Variants in INSC observed in about 807,000 individuals in gnomAD.
The protein encoded by INSC is INSC spindle orientation adaptor protein.
Under a neutral mutation model 58.6 loss-of-function variants are expected in INSC, and 67 were observed. The ratio of observed to expected loss-of-function variants is 1.14; its 90% CI spans 0.94 to 1.40. The LOEUF (loss-of-function observed/expected upper bound fraction) is 1.40, where lower values mean the gene tolerates loss of function less well. Ranked by LOEUF, INSC falls within the 40% of genes most tolerant of loss-of-function variation. The probability of loss-of-function intolerance (pLI) is 0.00; values close to 1 mark genes in which losing one functional copy is unlikely to be tolerated. For missense variants in INSC, 714 were observed against 692.0 expected (o/e 1.03, Z -0.36); for synonymous variants, 262 against 276.1 (o/e 0.95, Z 0.51).
intron 7 of INSC, among the ~76,000 whole-genome samples, chr11:15,213,412 T>C (rs1851101244): frequency 6.6e-6 from 1 of 152,194 alleles, no homozygotes; most frequent in Non-Finnish European, 1.5e-5. Context: ...TGAGGACCAC[T>C]GATCTAGAAG....
chr11:15,183,975 C>T (rs1018286074), intron 5 of INSC, among the ~76,000 whole-genome samples: 1 of 152,112 alleles, frequency 6.6e-6, no homozygotes, highest in African/African-American at 2.4e-5. Context: ...TAGATTTAAG[C>T]AGTATATACC....
At chr11:15,192,851 C>A (rs191449579) in intron 6 of INSC, among the ~76,000 whole-genome samples, 10 of 152,252 alleles carry the variant, frequency 6.6e-5, no homozygotes, top group Admixed American at 2.6e-4. Flanking sequence ...GTATGGTACT[C>A]TCTAATGACA....
At chr11:15,167,000 C>T (rs1043601279) in intron 2 of INSC, among the ~76,000 whole-genome samples, 5 of 151,872 alleles carry the variant, frequency 3.3e-5, no homozygotes, top group African/African-American at 9.7e-5. Context: ...GCACAGCTCT[C>T]GAGGTACTGT....
intron 2 of INSC, among the ~76,000 whole-genome samples, chr11:15,165,631 G>C (rs1397313637): frequency 6.6e-6 from 1 of 152,156 alleles, no homozygotes; most frequent in African/African-American, 2.4e-5. Flanking sequence ...TGGCATGCCT[G>C]GTGGTGGTAC....
At chr11:15,212,343 G>A (rs142351709) in intron 7 of INSC, among the ~76,000 whole-genome samples, 6 of 152,010 alleles carry the variant, frequency 3.9e-5, no homozygotes, top group East Asian at 1.9e-4. Context: ...CAGGTGATCC[G>A]CCCACCTCAG....
rs1405284611 is a variant in INSC, at chr11:15,243,901, TTC to T, written c.1471-2010_1471-2009del. ...CTTTGCCACTATTTCTTTTTTTTTTTTCCTCCATCTCTTTTTTATACTTGGTC... is the reference window on the plus strand; with the variant it reads ...CTTTGCCACTATTTCTTTTTTTTTTTCTCCATCTCTTTTTTATACTTGGTC... On this transcript the variant is annotated intron_variant, in intron 12 of 12. Coordinates refer to ENST00000379556, the MANE Select transcript of INSC (RefSeq NM_001042536.3). 9.5e-5 allele frequency among the ~76,000 whole-genome samples: 14 copies of T among 147,494 alleles called. 1 individual carries two copies. Among genetic ancestry groups the T allele is most frequent in the Admixed American group, 2.7e-4 (4 of 14,866 alleles).
intron 1 of INSC, among the ~76,000 whole-genome samples, chr11:15,116,875 C>CTTTCTTTCTTTCTTTCTTTCTTTCT (rs1847725641): frequency 2.3e-5 from 1 of 42,618 alleles, no homozygotes; most frequent in African/African-American, 1.2e-4. Context: ...CTCTCTCTCT[C>CTTTCTTTCTTTCTTTCTTTCTTTCT]TCCCCCTCCC....
At chr11:15,154,815 A>G (rs936372235) in intron 2 of INSC, among the ~76,000 whole-genome samples, 1 of 150,288 alleles carries the variant, frequency 6.7e-6, no homozygotes, top group African/African-American at 2.4e-5. Flanking sequence ...TTTTTTTTGG[A>G]CAAAAATAAC....
intron 9 of INSC, among the ~76,000 whole-genome samples, chr11:15,234,000 C>T (rs1175429439): frequency 1.3e-5 from 2 of 152,234 alleles, no homozygotes; most frequent in Non-Finnish European, 2.9e-5. Context: ...ACTGAGCCCA[C>T]AAACGCAATC....
At chr11:15,245,623 G>T (rs1285776020) in intron 12 of INSC, among the ~76,000 whole-genome samples, 1 of 152,098 alleles carries the variant, frequency 6.6e-6, no homozygotes, top group Non-Finnish European at 1.5e-5. Context: ...TTACTCTAGG[G>T]ATCTGGAAAT....
chr11:15,204,077 C>T (rs541939601), intron 7 of INSC, among the ~76,000 whole-genome samples: 5 of 152,302 alleles, frequency 3.3e-5, no homozygotes, highest in East Asian at 1.9e-4. Flanking sequence ...TTGCCGAGCC[C>T]GGTTCTAGCA....
downstream of INSC, chr11:15,247,337 T>C (rs1239648626): frequency 1.3e-5 from 2 of 152,170 alleles, no homozygotes; most frequent in Admixed American, 1.3e-4. Flanking sequence ...TTATTACATA[T>C]GATCAGGTTA....
chr11:15,243,866 CTTTTA>C (rs1852455666), intron 12 of INSC, among the ~76,000 whole-genome samples: 2 of 151,336 alleles, frequency 1.3e-5, no homozygotes, highest in African/African-American at 4.9e-5. Flanking sequence ...AGGGCTCTCT[CTTTTA>C]TTTTCTTTGC....
chr11:15,230,022 ATATATAT>A (rs1564918020), intron 9 of INSC, among the ~76,000 whole-genome samples: 29 of 58,834 alleles, frequency 4.9e-4, no homozygotes, highest in African/African-American at 1.7e-3. Context: ...TAATATATAT[ATATATAT>A]ATATATATAT....
chr11:15,162,467 G>T (rs1038198109), intron 2 of INSC, among the ~76,000 whole-genome samples: 1 of 152,146 alleles, frequency 6.6e-6, no homozygotes, highest in Non-Finnish European at 1.5e-5. Flanking sequence ...TATTTAAAAT[G>T]AAAATTACTT....
At chr11:15,194,773 C>G (rs551015603) in intron 6 of INSC, among the ~76,000 whole-genome samples, 1 of 152,170 alleles carries the variant, frequency 6.6e-6, no homozygotes, top group African/African-American at 2.4e-5. Flanking sequence ...CAGAATTGAA[C>G]CCCAGCCTCT....
intron 5 of INSC, among the ~76,000 whole-genome samples, chr11:15,189,200 CA>C (rs1229841736): frequency 3.9e-5 from 6 of 152,260 alleles, no homozygotes; most frequent in African/African-American, 1.2e-4. Flanking sequence ...ACAGGGAAAC[CA>C]AAGTGTGGGG....
chr11:15,155,900 C>G (rs757133178), intron 2 of INSC, among the ~76,000 whole-genome samples: 6 of 152,150 alleles, frequency 3.9e-5, no homozygotes, highest in Non-Finnish European at 8.8e-5. Context: ...AGATGGAGGC[C>G]AGGTACAGAT....
intron 7 of INSC, 96 bp from the exon 8 acceptor site, chr11:15,221,381 A>T (rs991912761): frequency 7.1e-7 from 1 of 1,415,750 alleles, no homozygotes; most frequent in Non-Finnish European, 9.6e-7. Flanking sequence ...GCTGGCTTCC[A>T]TGTAGTGGGG....
Sources: gnomAD v4.1 joint callset for allele counts (sites outside exome capture counted in the v4.1 genomes callset) on GRCh38, gnomAD v4.1.1 for gene constraint, MANE v1.5 for transcripts, NCBI Gene and HGNC (gene_info 2026-07-23, HGNC 2026-07-21) for gene names.